The following GSDME variants were observed in gnomAD, a reference collection of about 807,000 sequenced individuals.
GSDME encodes gasdermin-E.
Under a neutral mutation model 47.5 loss-of-function variants are expected in GSDME, and 44 were observed. The ratio of observed to expected loss-of-function variants is 0.93; its 90% CI spans 0.73 to 1.19. The LOEUF (loss-of-function observed/expected upper bound fraction) is 1.19, where lower values mean the gene tolerates loss of function less well. GSDME is among the 50% of genes most tolerant of loss of function. The pLI is 0.00. For synonymous variants in GSDME, 258 were observed against 252.8 expected (o/e 1.02, Z -0.20); for missense variants, 663 against 604.2 (o/e 1.10, Z -1.02).
At chr7:24,788,772 G>A in the GSDME span, among the ~76,000 whole-genome samples, 22 of 152,084 alleles carry the variant, frequency 1.4e-4, no homozygotes, top group Non-Finnish European at 2.4e-4. This position sits in a 1 kb window ranked among gnomAD's most constrained non-coding sequence, Gnocchi z 4.6. Flanking sequence ...AAAATATTCC[G>A]AGGCTGCCTT....
rs1236651845 is a variant in GSDME at position 24,754,363 on chromosome 7, T to TA, written c.-20+3032dup. Among the ~76,000 whole-genome samples the TA allele has an allele frequency of 6.6e-6, 1 of 151,486 alleles. No homozygotes were observed. Among genetic ancestry groups the TA allele is most frequent in the African/African-American group, 2.4e-5 (1 of 41,028 alleles). Reference sequence around the variant, plus strand: ...ATTAGCCAGACATGGTGGCAGGCAGTAATCCCAGCTACTCGGGAGGCTGAG... The same window carrying TA: ...ATTAGCCAGACATGGTGGCAGGCAGTAAATCCCAGCTACTCGGGAGGCTGAG... On this transcript the variant is annotated intron_variant, in intron 1 of 9. Transcript: ENST00000645220. The surrounding 1 kb of genome is among the most constrained non-coding windows in gnomAD (Gnocchi z 5.0).
intron 4 of GSDME, 50 bp downstream of exon 4, chr7:24,718,997 G>C: frequency 6.2e-7 from 1 of 1,605,532 alleles, no homozygotes; most frequent in East Asian, 2.2e-5. Context: ...CCCAACCAAG[G>C]TCTCCAGGAC....
At position 24,724,416 on chromosome 7, in the gene GSDME, T is replaced by G. The variant is rs1452336218; in HGVS notation, c.405-5198A>C. On this transcript the variant is annotated intron_variant, in intron 3 of 9. Transcript: ENST00000645220. This position sits in a 1 kb window ranked among gnomAD's most constrained non-coding sequence, Gnocchi z 4.8. ...GAGCAGAAGCTCTTCCAGGAGAAAA[T>G]GAACAAGCAGAGGTTCTTCATCCGC... 6.6e-6 allele frequency among the ~76,000 whole-genome samples: 1 copy of G among 151,800 alleles called. No individual in the cohort carries two copies. Among genetic ancestry groups the G allele is most frequent in the East Asian group, 1.9e-4 (1 of 5,166 alleles).
chr7:24,784,221 A>G, the GSDME span, among the ~76,000 whole-genome samples: 1 of 152,172 alleles, frequency 6.6e-6, no homozygotes, highest in Non-Finnish European at 1.5e-5. Flanking sequence ...TGGGCACTGT[A>G]TTAGTCAGGG....
At chr7:24,781,337 G>A in the GSDME span, among the ~76,000 whole-genome samples, 63 of 152,300 alleles carry the variant, frequency 4.1e-4, 1 homozygote, top group Non-Finnish European at 1.3e-4. Flanking sequence ...GCTGAGAGTT[G>A]TTCAATCTAA....
In GSDME at chr7:24,719,321, C is replaced by T. The variant is rs1377520121; in HGVS notation, c.405-103G>A. The stretch of plus-strand genomic sequence containing the variant: ...AGGCAGCTGAGGAGTGAGCAGGTGA[C>T]AGCCAGGCTTTGTTGATTTCCTCAT... On this transcript the variant is annotated intron_variant, in intron 3 of 9. Transcript: ENST00000645220. 8 of 1,254,602 alleles carry T rather than the reference C, an allele frequency of 6.4e-6. No individual in the cohort carries two copies. In the East Asian group the frequency reaches 1.7e-4, roughly 26 times the overall value. The allele number at this position is 1,254,602 out of a possible 1,614,324, so 77.7% of individuals were successfully genotyped here. A position where few individuals can be genotyped will look rare whatever the true frequency, so the allele number is the denominator to read the frequency against.
At chr7:24,755,572 GA>G (rs1790988932) in intron 1 of GSDME, among the ~76,000 whole-genome samples, 2 of 152,210 alleles carry the variant, frequency 1.3e-5, no homozygotes. Context: ...ACTTTAAGGA[GA>G]AATAAACCAA....
intron 1 of GSDME, among the ~76,000 whole-genome samples, chr7:24,751,390 G>C (rs1490745030): frequency 6.6e-6 from 1 of 152,218 alleles, no homozygotes; most frequent in East Asian, 1.9e-4. Context: ...GCTTGGCACA[G>C]TTGCACAGTC....
At position 24,735,495 on chromosome 7, in the gene GSDME, G is replaced by A. The variant is rs955365960; in HGVS notation, c.404+9067C>T. On this transcript the variant is annotated intron_variant, in intron 3 of 9. Coordinates refer to ENST00000645220, the MANE Select transcript of GSDME (RefSeq NM_001127453.2). This position sits in a 1 kb window ranked among gnomAD's most constrained non-coding sequence, Gnocchi z 4.4. Reference sequence around the variant, plus strand: ...TACAGGGCCGGGCACAGTGGCTCACGCCTGTAATCCCAGCAGTTTGGGAGG... The same window carrying A: ...TACAGGGCCGGGCACAGTGGCTCACACCTGTAATCCCAGCAGTTTGGGAGG... Among the ~76,000 whole-genome samples the A allele has an allele frequency of 6.6e-6, 1 of 152,220 alleles. No individual in the cohort carries two copies. Among genetic ancestry groups the A allele is most frequent in the Non-Finnish European group, 1.5e-5 (1 of 68,004 alleles).
chr7:24,791,175 CCA>C, the GSDME span, among the ~76,000 whole-genome samples: 1 of 152,038 alleles, frequency 6.6e-6, no homozygotes, highest in South Asian at 2.1e-4. This position sits in a 1 kb window ranked among gnomAD's most constrained non-coding sequence, Gnocchi z 4.8. Flanking sequence ...GTGGTCAAGA[CCA>C]CAGTCTGGGG....
rs1365489666 is a variant in GSDME, at chr7:24,732,599, G to A, written c.404+11963C>T. 5.3e-5 allele frequency among the ~76,000 whole-genome samples: 8 copies of A among 152,210 alleles called. No homozygotes were observed. The highest frequency in any genetic ancestry group is 1.2e-4 in the Non-Finnish European group (8 of 68,052). On this transcript the variant is annotated intron_variant, in intron 3 of 9. Transcript: ENST00000645220. This position sits in a 1 kb window ranked among gnomAD's most constrained non-coding sequence, Gnocchi z 4.8. The stretch of plus-strand genomic sequence containing the variant: ...CCTATCTCTGGGCAGCAGCCATGTG[G>A]CAGAGAGAGAGAAGCCGTGTGCTGT...
chr7:24,711,510 C>T (rs1415423512), intron 5 of GSDME, among the ~76,000 whole-genome samples: 4 of 151,920 alleles, frequency 2.6e-5, no homozygotes, highest in Middle Eastern at 3.2e-3. Flanking sequence ...CTGCTCCAGG[C>T]GATAAAAAGT....
Position 24,724,276 on chromosome 7 carries a change from A to G in GSDME, c.405-5058T>C, listed in dbSNP as rs1172587876. On this transcript the variant is annotated intron_variant, in intron 3 of 9. Coordinates refer to ENST00000645220, the MANE Select transcript of GSDME (RefSeq NM_001127453.2). The surrounding 1 kb of genome is among the most constrained non-coding windows in gnomAD (Gnocchi z 4.8). Reference sequence around the variant, plus strand: ...TTTTATTGGTGCCTAGCCCTGTGCTATCCACCCAGCTGGGGGATAAAATGA... The same window carrying G: ...TTTTATTGGTGCCTAGCCCTGTGCTGTCCACCCAGCTGGGGGATAAAATGA... 2.6e-5 allele frequency among the ~76,000 whole-genome samples: 4 copies of G among 152,122 alleles called. No homozygotes were observed. The highest frequency in any genetic ancestry group is 9.7e-5 in the African/African-American group (4 of 41,402).
chr7:24,710,079 C>T, intron 6 of GSDME, 145 bp downstream of exon 6: 1 of 895,444 alleles, frequency 1.1e-6, no homozygotes, highest in Non-Finnish European at 1.8e-6. Flanking sequence ...GCCGAGTGGA[C>T]TGGGCCTCGG....
chr7:24,719,344 C>A, intron 3 of GSDME, 126 bp from the exon 4 acceptor site: 1 of 1,076,954 alleles, frequency 9.3e-7, no homozygotes, highest in East Asian at 2.5e-5. Flanking sequence ...TTGATTTCCT[C>A]ATGATGAAAG....
At chr7:24,764,504 G>T in the GSDME span, among the ~76,000 whole-genome samples, 1 of 152,076 alleles carries the variant, frequency 6.6e-6, no homozygotes, top group East Asian at 1.9e-4. This position sits in a 1 kb window ranked among gnomAD's most constrained non-coding sequence, Gnocchi z 4.4. Flanking sequence ...TGGGCACACA[G>T]GGACTTCAGA....
At chr7:24,715,484 A>G (rs190153820) in intron 5 of GSDME, 27 of 471,086 alleles carry the variant, frequency 5.7e-5, no homozygotes, top group Middle Eastern at 3.2e-4. Flanking sequence ...CTGTGTGTCA[A>G]TCATACCTCA....
At chr7:24,751,693 A>C (rs1790865115) in intron 1 of GSDME, among the ~76,000 whole-genome samples, 1 of 152,212 alleles carries the variant, frequency 6.6e-6, no homozygotes, top group South Asian at 2.1e-4. Flanking sequence ...TGTCATCTGT[A>C]ATTTATCTGT....
chr7:24,722,081 A>C (rs1173152398), intron 3 of GSDME, among the ~76,000 whole-genome samples: 1 of 152,198 alleles, frequency 6.6e-6, no homozygotes, highest in Non-Finnish European at 1.5e-5. Context: ...CTCCTCCATC[A>C]AGAATATAAA....
Sources: gnomAD v4.1 joint callset for allele counts (sites outside exome capture counted in the v4.1 genomes callset) on GRCh38, gnomAD v4.1.1 for gene constraint, Gnocchi (gnomAD v3.1) non-coding constraint, MANE v1.5 for transcripts, NCBI Gene and HGNC (gene_info 2026-07-23, HGNC 2026-07-21) for gene names.